The following SLC35H1 variants were observed in gnomAD, a reference collection of about 807,000 sequenced individuals.
The protein encoded by SLC35H1 is solute carrier family 35 member H1.
At chr20:46,360,751 T>C in the SLC35H1 span, among the ~76,000 whole-genome samples, 2 of 152,174 alleles carry the variant, frequency 1.3e-5, no homozygotes, top group Non-Finnish European at 2.9e-5. Flanking sequence ...GGTTTCTCCA[T>C]GTTGGTCAGG....
chr20:46,362,660 G>A, the SLC35H1 span, among the ~76,000 whole-genome samples: 3 of 152,134 alleles, frequency 2.0e-5, no homozygotes, highest in Admixed American at 6.5e-5. Flanking sequence ...AGAGGACCCC[G>A]CACTGCCAGT....
the SLC35H1 span, among the ~76,000 whole-genome samples, chr20:46,360,850 C>A: frequency 2.0e-5 from 3 of 152,148 alleles, no homozygotes; most frequent in Admixed American, 2.0e-4. Flanking sequence ...CGCCCGGCTG[C>A]ATTTGTTGAT....
the SLC35H1 span, chr20:46,355,765 G>A: frequency 1.2e-6 from 2 of 1,613,470 alleles, no homozygotes; most frequent in Non-Finnish European, 1.7e-6. This position sits in a 1 kb window ranked among gnomAD's most constrained non-coding sequence, Gnocchi z 4.8. Context: ...TAGCATCTGT[G>A]GGGGCAGGAA....
chr20:46,359,018 G>A, the SLC35H1 span: 138 of 498,672 alleles, frequency 2.8e-4, 3 homozygotes, highest in South Asian at 2.8e-3. Flanking sequence ...GCAGCTTCCA[G>A]TGCTTTTCTG....
At chr20:46,357,329 C>T in the SLC35H1 span, among the ~76,000 whole-genome samples, 1 of 152,256 alleles carries the variant, frequency 6.6e-6, no homozygotes, top group Admixed American at 6.5e-5. Context: ...CACCACTTAT[C>T]TCCAGGCCTG....
the SLC35H1 span, chr20:46,352,661 TGAC>T: frequency 0.96 from 149,347 of 154,958 alleles, 71,902 homozygotes; most frequent in East Asian, 1. Context: ...CCTAGCGGGA[TGAC>T]GATGGGATCC....
the SLC35H1 span, among the ~76,000 whole-genome samples, chr20:46,358,062 G>A: frequency 1.3e-5 from 2 of 152,340 alleles, no homozygotes; most frequent in South Asian, 4.1e-4. Flanking sequence ...CTATGCCCAA[G>A]TGAGAGCCAC....
At chr20:46,360,773 C>T in the SLC35H1 span, among the ~76,000 whole-genome samples, 737 of 152,304 alleles carry the variant, frequency 4.8e-3, 9 homozygotes, top group African/African-American at 0.017. Flanking sequence ...TGGTCTTGAA[C>T]TCCCAACCTC....
chr20:46,350,558 A>C, the SLC35H1 span: 1 of 1,555,862 alleles, frequency 6.4e-7, no homozygotes, highest in Non-Finnish European at 8.7e-7. Flanking sequence ...TTACAGGCCC[A>C]GTCGTGGTTT....
the SLC35H1 span, chr20:46,354,931 C>T: frequency 6.2e-7 from 1 of 1,613,646 alleles, no homozygotes; most frequent in Non-Finnish European, 8.5e-7. Flanking sequence ...TGAGTGGCTG[C>T]AGGTGGAACA....
At chr20:46,346,100 T>C in the SLC35H1 span, 1 of 152,190 alleles carries the variant, frequency 6.6e-6, no homozygotes, top group African/African-American at 2.4e-5. Flanking sequence ...CATTTTCCTC[T>C]GGTTCTATGT....
the SLC35H1 span, chr20:46,354,826 C>T: frequency 9.6e-6 from 14 of 1,455,036 alleles, no homozygotes; most frequent in South Asian, 4.8e-5. Context: ...GGGCTCAGGG[C>T]GAGGATCTGT....
the SLC35H1 span, among the ~76,000 whole-genome samples, chr20:46,362,601 T>C: frequency 7.2e-5 from 11 of 152,172 alleles, no homozygotes; most frequent in Admixed American, 6.5e-4. Flanking sequence ...TGCTGGCTCA[T>C]GGTAGAGGCT....
chr20:46,356,236 T>G, the SLC35H1 span, among the ~76,000 whole-genome samples: 1 of 152,170 alleles, frequency 6.6e-6, no homozygotes, highest in African/African-American at 2.4e-5. Flanking sequence ...CCAGGCCACA[T>G]AGGGCTCTGC....
At chr20:46,358,419 C>T in the SLC35H1 span, 9 of 1,614,078 alleles carry the variant, frequency 5.6e-6, no homozygotes, top group Admixed American at 5.0e-5. Context: ...AAGGTGATGC[C>T]GATGGAGAAG....
At chr20:46,354,880 A>G in the SLC35H1 span, 1 of 1,597,646 alleles carries the variant, frequency 6.3e-7, no homozygotes, top group South Asian at 1.1e-5. Context: ...GGCCCAACGT[A>G]CCTTCAAATA....
At chr20:46,360,885 T>C in the SLC35H1 span, among the ~76,000 whole-genome samples, 1 of 152,008 alleles carries the variant, frequency 6.6e-6, no homozygotes, top group African/African-American at 2.4e-5. Flanking sequence ...GTGTAGGCAG[T>C]TTTTATTAAT....
At chr20:46,347,618 T>C in the SLC35H1 span, 8 of 152,254 alleles carry the variant, frequency 5.3e-5, no homozygotes, top group African/African-American at 1.9e-4. Context: ...ATGAGGAGAA[T>C]TCTCTTGGTG....
At chr20:46,359,177 G>A in the SLC35H1 span, among the ~76,000 whole-genome samples, 1 of 152,178 alleles carries the variant, frequency 6.6e-6, no homozygotes, top group Admixed American at 6.5e-5. Flanking sequence ...TTGTCTGAAG[G>A]AAATGAACGA....
Sources: allele counts gnomAD v4.1 joint callset (sites outside exome capture counted in the v4.1 genomes callset), GRCh38; gene constraint gnomAD v4.1.1; non-coding constraint Gnocchi (gnomAD v3.1); transcripts MANE v1.5; gene names NCBI Gene and HGNC (gene_info 2026-07-23, HGNC 2026-07-21).